The following SHROOM2 variants were observed in gnomAD, a reference collection of about 807,000 sequenced individuals.
The protein encoded by SHROOM2 is shroom family member 2, also known as protein Shroom2.
Under a neutral mutation model 75.9 loss-of-function variants are expected in SHROOM2, and 33 were observed. The observed-to-expected ratio is 0.43, with a 90% CI of 0.33 to 0.58. The LOEUF is 0.58. Among genes scored for constraint, SHROOM2 ranks in the 20% least tolerant of loss-of-function variants. The probability of loss-of-function intolerance (pLI) is 0.04; values close to 1 mark genes in which losing one functional copy is unlikely to be tolerated. For synonymous variants in SHROOM2, 655 were observed against 663.6 expected (o/e 0.99, Z 0.20); for missense variants, 1,434 against 1,461.2 (o/e 0.98, Z 0.30).
Position 9,838,218 on chromosome X carries a change from G to A in SHROOM2, c.166-35434G>A, listed in dbSNP as rs1306699841. 2.8e-5 allele frequency among the ~76,000 whole-genome samples: 3 copies of A among 109,057 alleles called. No homozygotes were observed. The East Asian group carries it at 8.6e-4, about 31-fold the overall frequency. 94.7% of individuals were successfully genotyped at this position (109,057 alleles called of 115,157 possible). ...TGGGACTACAGGTGCCCGCCACCAC[G>A]CCCGGCTAATTTTTTGTATTTTTAG... is the stretch of plus-strand genomic sequence containing the variant. On this transcript the variant is annotated intron_variant, in intron 1 of 9. Transcript: ENST00000380913.
intron 1 of SHROOM2, among the ~76,000 whole-genome samples, chrX:9,787,397 C>T (rs189762336): frequency 8.9e-6 from 1 of 112,179 alleles, no homozygotes; most frequent in Admixed American, 9.4e-5. Flanking sequence ...AAAACAAAAT[C>T]CATCTGGAAA....
At position 9,896,707 on chromosome X, in the gene SHROOM2, G is replaced by A. The variant is rs1003399903; in HGVS notation, c.2790+9G>A. 3 of 1,159,392 alleles carry A rather than the reference G, an allele frequency of 2.6e-6. No homozygotes were observed. Among genetic ancestry groups the A allele is most frequent in the Non-Finnish European group, 3.5e-6 (3 of 868,191 alleles). ...CAGACCACTACAAGCAGGTAAGCAT[G>A]GAGCCACAGCCCCCTTGACCATCAT... is the stretch of plus-strand genomic sequence containing the variant. On this transcript the variant is annotated intron_variant, in intron 4 of 9. Coordinates refer to ENST00000380913, the MANE Select transcript of SHROOM2 (RefSeq NM_001649.4).
intron 1 of SHROOM2, among the ~76,000 whole-genome samples, chrX:9,796,576 AT>A (rs1486652012): frequency 3.6e-5 from 4 of 111,768 alleles, no homozygotes; most frequent in Non-Finnish European, 7.5e-5. Context: ...AGTGTTTCTT[AT>A]TTTTATAATA....
chrX:9,799,803 A>G (rs2083714673), intron 1 of SHROOM2, among the ~76,000 whole-genome samples: 1 of 110,672 alleles, frequency 9.0e-6, no homozygotes, highest in African/African-American at 3.3e-5. Context: ...GCTCATATCT[A>G]TATGTGCAGC....
intron 5 of SHROOM2, among the ~76,000 whole-genome samples, chrX:9,926,016 G>A (rs1156460618): frequency 5.4e-5 from 6 of 111,787 alleles, no homozygotes; most frequent in Non-Finnish European, 1.1e-4. Flanking sequence ...AGAGGCCTGT[G>A]TCCAGGTCTG....
Position 9,932,314 on chromosome X carries a change from C to CGA in SHROOM2, c.3033_3034dup (p.Ala1012GlufsTer41). The stretch of plus-strand genomic sequence containing the variant: ...AGAGCTGCCCCGGGAGGGCCGGGGC[C>CGA]GAGCGGGAACCCTACCTCGAGATTA... On this transcript the variant is annotated frameshift_variant, in exon 6 of 10. Coordinates refer to ENST00000380913, the MANE Select transcript of SHROOM2 (RefSeq NM_001649.4). LOFTEE classifies it high-confidence loss of function. The CGA allele has an allele frequency of 8.3e-7, 1 of 1,208,409 alleles. No homozygotes were observed.
intron 8 of SHROOM2, among the ~76,000 whole-genome samples, chrX:9,943,924 G>A (rs987781615): frequency 9.1e-6 from 1 of 110,369 alleles, no homozygotes; most frequent in Non-Finnish European, 1.9e-5. Context: ...GCTCACACCT[G>A]TAATCCCAGC....
At chrX:9,924,378 G>A (rs942864766) in intron 5 of SHROOM2, among the ~76,000 whole-genome samples, 1 of 112,216 alleles carries the variant, frequency 8.9e-6, no homozygotes, top group Non-Finnish European at 1.9e-5. Context: ...GCTTTTCAGA[G>A]ACAGTCTCAC....
intron 1 of SHROOM2, among the ~76,000 whole-genome samples, chrX:9,861,116 A>C (rs189285059): frequency 8.9e-6 from 1 of 111,831 alleles, no homozygotes; most frequent in Admixed American, 9.5e-5. Flanking sequence ...ATGCTACTGA[A>C]CTCCATGCAA....
Position 9,894,990 on chromosome X carries a change from G to A in SHROOM2, c.1082G>A (p.Arg361Gln), listed in dbSNP as rs761374628. Residue 361 changes from arginine to glutamine, a missense_variant, in exon 4 of 10, where the codon CGG becomes CAG. Arg to Gln is a conservative substitution (Grantham distance 43, BLOSUM62 1). This residue lies in a region of SHROOM2 where 1,340 missense variants were observed against 1,338.3 expected (regional missense o/e 1.00). Coordinates refer to ENST00000380913, the MANE Select transcript of SHROOM2 (RefSeq NM_001649.4). Reference sequence around the variant, plus strand: ...GCCCAGGCTCAGCCTCGTGGTGACCGGAGACCAGAGCTCACCGATCGGCCT... The same window carrying A: ...GCCCAGGCTCAGCCTCGTGGTGACCAGAGACCAGAGCTCACCGATCGGCCT... ...ALAQAQPRGD[R>Q]RPELTDRPWR... 30 of 1,208,912 alleles carry A rather than the reference G, an allele frequency of 2.5e-5. No individual in the cohort carries two copies. The highest frequency in any genetic ancestry group is 1.5e-4 in the East Asian group (5 of 33,697).
At chrX:9,925,003 G>C (rs937128485) in intron 5 of SHROOM2, among the ~76,000 whole-genome samples, 2 of 110,864 alleles carry the variant, frequency 1.8e-5, no homozygotes, top group Non-Finnish European at 3.8e-5. Flanking sequence ...ATTGTTCCCA[G>C]GTGTTCACAC....
intron 2 of SHROOM2, among the ~76,000 whole-genome samples, chrX:9,886,081 A>G (rs1209959908): frequency 5.3e-5 from 6 of 112,638 alleles, no homozygotes; most frequent in Non-Finnish European, 1.1e-4. Flanking sequence ...TCATTGCCTC[A>G]TACAGCATTG....
At chrX:9,808,882 A>G (rs1205823538) in intron 1 of SHROOM2, among the ~76,000 whole-genome samples, 1 of 110,837 alleles carries the variant, frequency 9.0e-6, no homozygotes, top group Non-Finnish European at 1.9e-5. Context: ...TAATAAAAAT[A>G]AATGGATGTA....
chrX:9,890,734 G>A (rs1321229241), intron 2 of SHROOM2, among the ~76,000 whole-genome samples: 4 of 109,568 alleles, frequency 3.7e-5, no homozygotes, highest in African/African-American at 1.3e-4. Flanking sequence ...CACGTGCTGT[G>A]TGTGGTCTCC....
At chrX:9,937,853 G>A (rs951839071) in intron 7 of SHROOM2, among the ~76,000 whole-genome samples, 168 bp downstream of exon 7, 4 of 112,191 alleles carry the variant, frequency 3.6e-5, no homozygotes, top group African/African-American at 1.3e-4. Flanking sequence ...GTGAGCCTCC[G>A]GAAAGAGAAA....
At chrX:9,917,803 G>T (rs1027017492) in intron 5 of SHROOM2, among the ~76,000 whole-genome samples, 1 of 112,148 alleles carries the variant, frequency 8.9e-6, no homozygotes, top group Non-Finnish European at 1.9e-5. Context: ...GATTACAGGC[G>T]TGAGCCACCA....
intron 1 of SHROOM2, among the ~76,000 whole-genome samples, chrX:9,858,941 C>T (rs181547096): frequency 4.5e-5 from 5 of 111,670 alleles, no homozygotes; most frequent in South Asian, 3.7e-4. Flanking sequence ...AGGCCGGGCG[C>T]GGTGGCTCAT....
At chrX:9,929,951 A>G (rs1044665807) in intron 5 of SHROOM2, among the ~76,000 whole-genome samples, 7 of 111,122 alleles carry the variant, frequency 6.3e-5, no homozygotes, top group Non-Finnish European at 1.9e-5. Context: ...TTCTCTTGCC[A>G]CTGCCATGTA....
intron 1 of SHROOM2, among the ~76,000 whole-genome samples, chrX:9,807,612 G>A (rs1437624963): frequency 8.9e-6 from 1 of 112,513 alleles, no homozygotes; most frequent in Non-Finnish European, 1.9e-5. Context: ...CATGCTGCCT[G>A]CTGGTCTAGG....
Sources: allele counts gnomAD v4.1 joint callset (sites outside exome capture counted in the v4.1 genomes callset), GRCh38; gene constraint gnomAD v4.1.1; regional missense constraint gnomAD v4.1.1; transcripts MANE v1.5; gene names NCBI Gene and HGNC (gene_info 2026-07-23, HGNC 2026-07-21).